The following DSEL variants were observed in gnomAD, a reference collection of about 807,000 sequenced individuals.
DSEL encodes the protein dermatan-sulfate epimerase-like protein.
In DSEL, 61 loss-of-function variants were observed where a neutral mutation model predicts 96.6. The ratio of observed to expected loss-of-function variants is 0.63; its 90% CI spans 0.51 to 0.78. DSEL has a LOEUF of 0.78. Ranked by LOEUF, DSEL falls within the 30% of genes least tolerant of loss-of-function variation. The pLI is 0.00. For synonymous variants in DSEL, 514 were observed against 502.0 expected (o/e 1.02, Z -0.32); for missense variants, 1,320 against 1,430.8 (o/e 0.92, Z 1.25).
Position 67,514,779 on chromosome 18 carries a change from T to C in DSEL, c.-171A>G. ...TCAGTACATTTTAAGCAAGTGCAGT[T>C]GCCAAAAAGAGAAAACTTAAATTGT... On this transcript the variant is annotated 5_prime_UTR_variant, in exon 2 of 2. Coordinates refer to ENST00000310045, the MANE Select transcript of DSEL (RefSeq NM_032160.3). 1 of 744,232 alleles carries C rather than the reference T, an allele frequency of 1.3e-6. No homozygotes were observed. Among genetic ancestry groups the C allele is most frequent in the Non-Finnish European group, 2.1e-6 (1 of 466,478 alleles). 46.1% of individuals were successfully genotyped at this position (744,232 alleles called of 1,614,324 possible).
chr18:67,514,484 A>T lies in DSEL; in HGVS notation c.125T>A (p.Phe42Tyr), dbSNP rs1487926923. ...GAAATCTTGCACTTTCTGTGTTTTA[A>T]ACTGATCTATATCATCTGTGAAAAC... The part of the protein sequence containing the change: ...WAVFTDDIDQ[F>Y]KTQKVQDFRP... The change falls in exon 2 of 2, where the codon TTT becomes TAT. Residue 42 changes from phenylalanine (F) to tyrosine (Y), a missense_variant. Physicochemically the swap from Phe to Tyr is conservative, Grantham distance 22 (BLOSUM62 3). Transcript: ENST00000310045. 3.8e-5 allele frequency: 61 copies of T among 1,614,178 alleles called. No individual in the cohort carries two copies. Among genetic ancestry groups the T allele is most frequent in the Non-Finnish European group, 5.2e-5 (61 of 1,180,024 alleles).
At position 67,511,388 on chromosome 18, in the gene DSEL, T is replaced by C. The variant is rs1285243622; in HGVS notation, c.3221A>G (p.Asn1074Ser). ...TTCATACTCGAAAGCATAACCCGAA[T>C]TTAAGTTACATTTGCCTTTACCTCC... is the stretch of plus-strand genomic sequence containing the variant. ...IEGGKGKCNLNSGYAFEYEPL... is the reference protein window; with the variant it reads ...IEGGKGKCNLSSGYAFEYEPL... Residue 1074 changes from asparagine to serine, a missense_variant, in exon 2 of 2, where the codon AAT (asparagine) becomes AGT (serine). By Grantham distance (46) the Asn-to-Ser change is conservative. This residue lies in a region of DSEL where 986 missense variants were observed against 1,066.4 expected (regional missense o/e 0.92). Transcript: ENST00000310045. 6.2e-7 allele frequency: 1 copy of C among 1,603,130 alleles called. No individual in the cohort carries two copies. Among genetic ancestry groups the C allele is most frequent in the Non-Finnish European group, 8.5e-7 (1 of 1,179,948 alleles).
In DSEL at chr18:67,513,980, T is replaced by C; in HGVS notation, c.629A>G (p.Tyr210Cys). Residue 210 changes from tyrosine (Y) to cysteine (C), a missense_variant, in exon 2 of 2, where the codon TAT (tyrosine) becomes TGT (cysteine). By Grantham distance (194) the Tyr-to-Cys change is radical. Around this residue, in one of 3 missense-constraint regions of DSEL, gnomAD observed 323 missense variants for 333.1 expected, o/e 0.97. Coordinates refer to ENST00000310045, the MANE Select transcript of DSEL (RefSeq NM_032160.3). ...TTTGCCCCATGAGCGGACCTTGGAATACTCGTACATTTCCTCAGTAATAAC... is the reference window on the plus strand; with the variant it reads ...TTTGCCCCATGAGCGGACCTTGGAACACTCGTACATTTCCTCAGTAATAAC... ...IWVITEEMYE[Y>C]SKVRSWGKQL... is the part of the protein sequence containing the mutation. 6.2e-7 allele frequency: 1 copy of C among 1,614,204 alleles called. No individual in the cohort carries two copies. Among genetic ancestry groups the C allele is most frequent in the Non-Finnish European group, 8.5e-7 (1 of 1,180,024 alleles).
Position 67,513,315 on chromosome 18 carries a change from A to C in DSEL, c.1294T>G (p.Phe432Val). The change falls in exon 2 of 2, where the codon TTT (phenylalanine) becomes GTT (valine). Residue 432 changes from phenylalanine (F) to valine (V), a missense_variant. By Grantham distance (50) the Phe-to-Val change is conservative. Around this residue, in one of 3 missense-constraint regions of DSEL, gnomAD observed 986 missense variants for 1,066.4 expected, o/e 0.92. Coordinates refer to ENST00000310045, the MANE Select transcript of DSEL (RefSeq NM_032160.3). ...AGCTTCCCAGATTTAAAAGACACAAAGGTGTTGGTCTGTGTGTTTGGCAAC... is the reference window on the plus strand; with the variant it reads ...AGCTTCCCAGATTTAAAAGACACAACGGTGTTGGTCTGTGTGTTTGGCAAC... ...AGLPNTQTNT[F>V]VSFKSGKLGG... is the part of the protein sequence containing the mutation. 6.2e-7 allele frequency: 1 copy of C among 1,614,226 alleles called. No homozygotes were observed. The highest frequency in any genetic ancestry group is 8.5e-7 in the Non-Finnish European group (1 of 1,180,052).
At position 67,512,463 on chromosome 18, in the gene DSEL, AAAC is replaced by A; in HGVS notation, c.2143_2145del (p.Val715del). The stretch of plus-strand genomic sequence containing the variant: ...AGGTTATGGTAATCAGTTACAATAG[AAAC>A]AACATGTTCAGTATTATTGACATTG... On this transcript the variant is annotated inframe_deletion, in exon 2 of 2. Transcript: ENST00000310045. 6.2e-7 allele frequency: 1 copy of A among 1,614,196 alleles called. No individual in the cohort carries two copies. Among genetic ancestry groups the A allele is most frequent in the Non-Finnish European group, 8.5e-7 (1 of 1,180,020 alleles).
At position 67,515,374 on chromosome 18, in the gene DSEL, A is replaced by AT. The variant is rs1416675843; in HGVS notation, c.-767dup. 1 of 167,074 alleles carries AT rather than the reference A, an allele frequency of 6.0e-6. No individual in the cohort carries two copies. Among genetic ancestry groups the AT allele is most frequent in the Non-Finnish European group, 1.5e-5 (1 of 68,132 alleles). 10.3% of individuals were successfully genotyped at this position (167,074 alleles called of 1,614,324 possible). ...TCATGTGTACAAACATAAAAATGGAATATCTTCAGTCACCTAGATACTTCT... is the reference window on the plus strand; with the variant it reads ...TCATGTGTACAAACATAAAAATGGAATTATCTTCAGTCACCTAGATACTTCT... On this transcript the variant is annotated 5_prime_UTR_variant, in exon 2 of 2. Coordinates refer to ENST00000310045, the MANE Select transcript of DSEL (RefSeq NM_032160.3).
rs768114594 is a variant in DSEL, at chr18:67,513,678, G to T, written c.931C>A (p.His311Asn). Residue 311 changes from histidine (H) to asparagine (N), a missense_variant, in exon 2 of 2, where the codon CAC (histidine) becomes AAC (asparagine). Physicochemically the swap from His to Asn is moderately conservative, Grantham distance 68. Transcript: ENST00000310045. ...NNLDNNWLKM[H>N]FWFYYATLLP... ...AGGGTGGCATAATAGAACCAAAAGT[G>T]CATCTTTAACCAGTTATTATCCAAG... 6.2e-7 allele frequency: 1 copy of T among 1,614,196 alleles called. No homozygotes were observed. Among genetic ancestry groups the T allele is most frequent in the Non-Finnish European group, 8.5e-7 (1 of 1,180,032 alleles).
At position 67,514,541 on chromosome 18, in the gene DSEL, T is replaced by C. The variant is rs767136595; in HGVS notation, c.68A>G (p.Glu23Gly). The C allele has an allele frequency of 1.2e-6, 2 of 1,614,158 alleles. No individual in the cohort carries two copies. The highest frequency in any genetic ancestry group is 2.2e-5 in the South Asian group (2 of 91,068). ...TTCGGAATAATTGCTCACAGATTCCTCAAAAGTAGAGAAAGCAAACATCAA... is the reference window on the plus strand; with the variant it reads ...TTCGGAATAATTGCTCACAGATTCCCCAAAAGTAGAGAAAGCAAACATCAA... ...ALLMFAFSTF[E>G]ESVSNYSEWA... The change falls in exon 2 of 2, where the codon GAG becomes GGG. Residue 23 changes from glutamate (E) to glycine (G), a missense_variant. Transcript: ENST00000310045.
chr18:67,514,847 G>A lies in DSEL; in HGVS notation c.-239C>T, dbSNP rs962897500. ...ACAGTTTTGCTTCCAGTAAAACTTT[G>A]AATAACGTTAAAATCTCTAATTTTT... On this transcript the variant is annotated 5_prime_UTR_variant, in exon 2 of 2. Coordinates refer to ENST00000310045, the MANE Select transcript of DSEL (RefSeq NM_032160.3). 3 of 500,738 alleles carry A rather than the reference G, an allele frequency of 6.0e-6. No individual in the cohort carries two copies. Among genetic ancestry groups the A allele is most frequent in the Non-Finnish European group, 7.2e-6 (2 of 278,494 alleles). 31.0% of individuals were successfully genotyped at this position (500,738 alleles called of 1,614,324 possible). A position where few individuals can be genotyped will look rare whatever the true frequency, so the allele number is the denominator to read the frequency against.
In DSEL at chr18:67,513,280, T is replaced by C. The variant is rs1016385005; in HGVS notation, c.1329A>G (p.Arg443=). The change falls in exon 2 of 2, where the codon CGA becomes CGG. Residue 443 remains arginine, a synonymous_variant. Coordinates refer to ENST00000310045, the MANE Select transcript of DSEL (RefSeq NM_032160.3). ...VSFKSGKLGG[R]AVYDIVHFQP... is the part of the protein sequence containing the mutation. ...GAAAATGAACTATGTCATACACAGCTCGTCCCCCCAGCTTCCCAGATTTAA... is the reference window on the plus strand; with the variant it reads ...GAAAATGAACTATGTCATACACAGCCCGTCCCCCCAGCTTCCCAGATTTAA... 5.6e-6 allele frequency: 9 copies of C among 1,614,098 alleles called. No individual in the cohort carries two copies. Among genetic ancestry groups the C allele is most frequent in the Non-Finnish European group, 7.6e-6 (9 of 1,180,052 alleles).
In DSEL at chr18:67,511,102, G is replaced by C. The variant is rs1392758458; in HGVS notation, c.3507C>G (p.Pro1169=). Residue 1169 remains proline, a synonymous_variant, in exon 2 of 2, where the codon CCC becomes CCG. Coordinates refer to ENST00000310045, the MANE Select transcript of DSEL (RefSeq NM_032160.3). ...TAGTTGGTGATATTTCCCCTTCATAGGGAAGGTAAAAAAGGTTTGTAGAGG... is the reference window on the plus strand; with the variant it reads ...TAGTTGGTGATATTTCCCCTTCATACGGAAGGTAAAAAAGGTTTGTAGAGG... ...FATSTNLFYL[P]YEGEISPTNT... The C allele has an allele frequency of 1.9e-6, 3 of 1,613,972 alleles. No individual in the cohort carries two copies. The African/African-American group carries it at 4.0e-5, about 22-fold the overall frequency.
In DSEL at chr18:67,512,732, T is replaced by C. The variant is rs2089450947; in HGVS notation, c.1877A>G (p.Asp626Gly). Residue 626 changes from aspartate (D) to glycine (G), a missense_variant, in exon 2 of 2, where the codon GAT becomes GGT. By Grantham distance (94) the Asp-to-Gly change is moderately conservative (BLOSUM62 -1). Around this residue, in one of 3 missense-constraint regions of DSEL, gnomAD observed 986 missense variants for 1,066.4 expected, o/e 0.92. Coordinates refer to ENST00000310045, the MANE Select transcript of DSEL (RefSeq NM_032160.3). ...FMNRYNGAMM[D>G]VWDAHYKMFW... ...CATTTTGTAATGTGCATCCCACACA[T>C]CCATCATGGCACCATTATACCTATT... 26 of 1,614,122 alleles carry C rather than the reference T, an allele frequency of 1.6e-5. No individual in the cohort carries two copies. Among genetic ancestry groups the C allele is most frequent in the Non-Finnish European group, 2.1e-5 (25 of 1,180,032 alleles).
rs62093225 is a variant in DSEL, at chr18:67,511,158, G to A, written c.3451C>T (p.Pro1151Ser). Residue 1151 changes from proline to serine, a missense_variant, in exon 2 of 2, where the codon CCT becomes TCT. By Grantham distance (74) the Pro-to-Ser change is moderately conservative. This residue lies in a region of DSEL where 986 missense variants were observed against 1,066.4 expected (regional missense o/e 0.92). Coordinates refer to ENST00000310045, the MANE Select transcript of DSEL (RefSeq NM_032160.3). ...IFAFLGIPLS[P>S]ASLNQILFAT... ...AACAATATTTGGTTTAAACTAGCAG[G>A]AGACAAAGGAATTCCAAGAAAGGCA... 3 of 1,614,114 alleles carry A rather than the reference G, an allele frequency of 1.9e-6. No homozygotes were observed. The highest frequency in any genetic ancestry group is 3.3e-5 in the Admixed American group (2 of 60,024).
Position 67,513,171 on chromosome 18 carries a change from T to G in DSEL, c.1438A>C (p.Asn480His), listed in dbSNP as rs2089454181. Residue 480 changes from asparagine (N) to histidine (H), a missense_variant, in exon 2 of 2, where the codon AAT becomes CAT. By Grantham distance (68) the Asn-to-His change is moderately conservative. This residue lies in a region of DSEL where 986 missense variants were observed against 1,066.4 expected (regional missense o/e 0.92). Transcript: ENST00000310045. ...PDQNSFTFAP[N>H]GQVFVSEALY... is the part of the protein sequence containing the mutation. ...GCTTCAGAAACAAATACTTGTCCATTGGGGGCAAAAGTAAATGAGTTCTGA... is the reference window on the plus strand; with the variant it reads ...GCTTCAGAAACAAATACTTGTCCATGGGGGGCAAAAGTAAATGAGTTCTGA... 6.8e-6 allele frequency: 11 copies of G among 1,614,012 alleles called. No individual in the cohort carries two copies. The highest frequency in any genetic ancestry group is 9.3e-6 in the Non-Finnish European group (11 of 1,180,046).
Position 67,513,553 on chromosome 18 carries a change from T to A in DSEL, c.1056A>T (p.Leu352Phe). The change falls in exon 2 of 2, where the codon TTA (leucine) becomes TTT (phenylalanine). Residue 352 changes from leucine to phenylalanine, a missense_variant. Physicochemically the swap from Leu to Phe is conservative, Grantham distance 22. Around this residue, in one of 3 missense-constraint regions of DSEL, gnomAD observed 986 missense variants for 1,066.4 expected, o/e 0.92. Coordinates refer to ENST00000310045, the MANE Select transcript of DSEL (RefSeq NM_032160.3). Reference protein sequence around the residue: ...SQLVFLDKFILKNGAGNWLAQ... With the variant: ...SQLVFLDKFIFKNGAGNWLAQ... ...CTAACCAATTTCCAGCTCCATTCTT[T>A]AAGATGAACTTATCCAAGAAAACTA... is the stretch of plus-strand genomic sequence containing the variant. 2 of 1,614,208 alleles carry A rather than the reference T, an allele frequency of 1.2e-6. No homozygotes were observed.
chr18:67,507,115 C>A lies in DSEL; in HGVS notation c.*3855G>T, dbSNP rs1311365011. On this transcript the variant is annotated 3_prime_UTR_variant, in exon 2 of 2. Transcript: ENST00000310045. ...TGTAATCCCAGCATTTTGGGAGGCC[C>A]AGGTGGGCAGATCACCAGGTCAAGA... 6.6e-6 allele frequency: 1 copy of A among 151,920 alleles called. No homozygotes were observed. The highest frequency in any genetic ancestry group is 1.5e-5 in the Non-Finnish European group (1 of 67,998). 9.4% of individuals were successfully genotyped at this position (151,920 alleles called of 1,614,324 possible). A position where few individuals can be genotyped will look rare whatever the true frequency, so the allele number is the denominator to read the frequency against.
chr18:67,513,885 C>A lies in DSEL; in HGVS notation c.724G>T (p.Asp242Tyr). 1 of 1,614,168 alleles carries A rather than the reference C, an allele frequency of 6.2e-7. No homozygotes were observed. The highest frequency in any genetic ancestry group is 8.5e-7 in the Non-Finnish European group (1 of 1,180,032). Residue 242 changes from aspartate (D) to tyrosine (Y), a missense_variant, in exon 2 of 2, where the codon GAT becomes TAT. By Grantham distance (160) the Asp-to-Tyr change is radical. Around this residue, in one of 3 missense-constraint regions of DSEL, gnomAD observed 323 missense variants for 333.1 expected, o/e 0.97. Coordinates refer to ENST00000310045, the MANE Select transcript of DSEL (RefSeq NM_032160.3). ...LLTGALVTGV[D>Y]KGSKANIWKQ... ...CATATATTTGCTTTAGATCCTTTAT[C>A]TACTCCAGTCACCAAGGCCCCTGTG...
Position 67,511,492 on chromosome 18 carries a change from T to C in DSEL, c.3117A>G (p.Ser1039=), listed in dbSNP as rs1012663323. The change falls in exon 2 of 2, where the codon TCA becomes TCG. Residue 1039 remains serine, a synonymous_variant. Transcript: ENST00000310045. Reference sequence around the variant, plus strand: ...GACTTGGTTTACTATTGTACAACATTGAATAAATCCATGCCCGAGGGTCTC... The same window carrying C: ...GACTTGGTTTACTATTGTACAACATCGAATAAATCCATGCCCGAGGGTCTC... The part of the protein sequence containing the change: ...IVRDPRAWIY[S]MLYNSKPSLY... 1 of 1,612,570 alleles carries C rather than the reference T, an allele frequency of 6.2e-7. No individual in the cohort carries two copies. The highest frequency in any genetic ancestry group is 1.3e-5 in the African/African-American group (1 of 74,940).
chr18:67,513,268 G>A lies in DSEL; in HGVS notation c.1341C>T (p.Asp447=). The part of the protein sequence containing the change: ...SGKLGGRAVY[D]IVHFQPYSWI... ...AGGAATATGGCTGAAAATGAACTATGTCATACACAGCTCGTCCCCCCAGCT... is the reference window on the plus strand; with the variant it reads ...AGGAATATGGCTGAAAATGAACTATATCATACACAGCTCGTCCCCCCAGCT... Residue 447 remains aspartate, a synonymous_variant, in exon 2 of 2, where the codon GAC becomes GAT. Coordinates refer to ENST00000310045, the MANE Select transcript of DSEL (RefSeq NM_032160.3). 1 of 1,614,168 alleles carries A rather than the reference G, an allele frequency of 6.2e-7. No individual in the cohort carries two copies. The highest frequency in any genetic ancestry group is 8.5e-7 in the Non-Finnish European group (1 of 1,180,040).
Sources: gnomAD v4.1 joint callset for allele counts on GRCh38, gnomAD v4.1.1 for gene constraint, gnomAD v4.1.1 regional missense constraint, MANE v1.5 for transcripts, NCBI Gene and HGNC (gene_info 2026-07-23, HGNC 2026-07-21) for gene names.